The following SLAMF6 variants were observed in gnomAD, a reference collection of about 807,000 sequenced individuals.
SLAMF6 encodes NK-T-B-antigen.
A neutral mutation model predicts 38.3 loss-of-function variants in SLAMF6; 21 were observed. That is an observed-to-expected ratio of 0.55 (90% CI 0.39 to 0.79). The LOEUF (loss-of-function observed/expected upper bound fraction) is 0.79. SLAMF6 is among the 30% of genes least tolerant of loss of function. The pLI is 0.00. For missense variants in SLAMF6, 341 were observed against 385.3 expected (o/e 0.89, Z 0.96); for synonymous variants, 152 against 146.3 (o/e 1.04, Z -0.28).
intron 1 of SLAMF6, among the ~76,000 whole-genome samples, chr1:160,500,015 TAAAC>T (rs1653801020): frequency 6.6e-6 from 1 of 152,242 alleles, no homozygotes; most frequent in African/African-American, 2.4e-5. Flanking sequence ...TTAAAGTTGA[TAAAC>T]AGACAAATCT....
At chr1:160,487,714 A>G (rs910431512) in intron 6 of SLAMF6, among the ~76,000 whole-genome samples, 1 of 152,204 alleles carries the variant, frequency 6.6e-6, no homozygotes, top group African/African-American at 2.4e-5. Context: ...TTACAGAAAT[A>G]ATAGCAGAAG....
chr1:160,490,329 G>A (rs1653217870), intron 4 of SLAMF6, 93 bp from the exon 5 acceptor site: 1 of 1,583,468 alleles, frequency 6.3e-7, no homozygotes, highest in South Asian at 1.1e-5. Context: ...TGGTGGGAGG[G>A]GACCCAAAAG....
chr1:160,492,205 G>C (rs1653340283), intron 2 of SLAMF6, among the ~76,000 whole-genome samples: 1 of 152,160 alleles, frequency 6.6e-6, no homozygotes, highest in Non-Finnish European at 1.5e-5. Flanking sequence ...CTTAGCCTTG[G>C]CCTGAGGTTT....
intron 1 of SLAMF6, among the ~76,000 whole-genome samples, chr1:160,511,173 C>A (rs1485425056): frequency 6.6e-6 from 1 of 152,066 alleles, no homozygotes; most frequent in Non-Finnish European, 1.5e-5. Flanking sequence ...AGAGTCAATG[C>A]AATCCTTATC....
intron 1 of SLAMF6, among the ~76,000 whole-genome samples, chr1:160,505,341 A>C (rs1426422578): frequency 2.0e-5 from 3 of 152,224 alleles, no homozygotes. Context: ...TTCACAGGTG[A>C]AATAAACAGA....
intron 1 of SLAMF6, among the ~76,000 whole-genome samples, 170 bp from the exon 2 acceptor site, chr1:160,496,563 C>G (rs1653593302): frequency 6.6e-6 from 1 of 152,138 alleles, no homozygotes; most frequent in Non-Finnish European, 1.5e-5. Flanking sequence ...TAATCACAGT[C>G]CCAGAGCTTC....
At chr1:160,505,301 A>G (rs990383108) in intron 1 of SLAMF6, among the ~76,000 whole-genome samples, 35 of 152,254 alleles carry the variant, frequency 2.3e-4, no homozygotes, top group African/African-American at 7.5e-4. Context: ...AAAATTATAA[A>G]GCATGTGAAG....
intron 7 of SLAMF6, 170 bp from the exon 8 acceptor site, chr1:160,486,924 A>T (rs936378595): frequency 5.7e-5 from 23 of 406,634 alleles, no homozygotes; most frequent in Non-Finnish European, 7.0e-5. Context: ...TCAGTTATGC[A>T]TGGTGATCCT....
chr1:160,487,327 G>A (rs1019851608), intron 6 of SLAMF6, 152 bp from the exon 7 acceptor site: 13 of 657,022 alleles, frequency 2.0e-5, no homozygotes, highest in Admixed American at 1.5e-4. Context: ...GACCAAGCAC[G>A]ACTAGCTATC....
chr1:160,488,989 C>A (rs896379979), intron 6 of SLAMF6, 99 bp downstream of exon 6: 1 of 1,119,352 alleles, frequency 8.9e-7, no homozygotes, highest in Admixed American at 1.7e-5. Context: ...TTCTCCTCCC[C>A]TCAGTGGTCA....
At chr1:160,504,639 T>C (rs1449488508) in intron 1 of SLAMF6, among the ~76,000 whole-genome samples, 1 of 152,138 alleles carries the variant, frequency 6.6e-6, no homozygotes, top group East Asian at 1.9e-4. Flanking sequence ...CTACCTCTCT[T>C]TCAGGTAGAA....
intron 1 of SLAMF6, among the ~76,000 whole-genome samples, chr1:160,501,657 T>C (rs1430350548): frequency 1.3e-5 from 2 of 151,450 alleles, no homozygotes; most frequent in Non-Finnish European, 2.9e-5. Context: ...CTATGAGTTC[T>C]CCATTACTTA....
chr1:160,506,423 A>G (rs1014121010), intron 1 of SLAMF6, among the ~76,000 whole-genome samples: 1 of 152,216 alleles, frequency 6.6e-6, no homozygotes. Flanking sequence ...CATCTGAAAA[A>G]ATTATCCTTC....
intron 1 of SLAMF6, among the ~76,000 whole-genome samples, chr1:160,508,014 C>T (rs941232944): frequency 6.6e-6 from 1 of 152,062 alleles, no homozygotes; most frequent in African/African-American, 2.4e-5. Context: ...AAATAGGACA[C>T]AAACAAATGG....
intron 1 of SLAMF6, among the ~76,000 whole-genome samples, chr1:160,500,053 G>A (rs1653802644): frequency 6.6e-6 from 1 of 152,162 alleles, no homozygotes; most frequent in Non-Finnish European, 1.5e-5. Context: ...TCAAGAGAGT[G>A]GTTACCTTTG....
chr1:160,496,731 G>C (rs1653602846), intron 1 of SLAMF6, among the ~76,000 whole-genome samples: 1 of 152,150 alleles, frequency 6.6e-6, no homozygotes, highest in African/African-American at 2.4e-5. Context: ...AGGTTGAGGG[G>C]GACAGGAAAC....
intron 2 of SLAMF6, among the ~76,000 whole-genome samples, chr1:160,493,736 T>G (rs1440514637): frequency 6.6e-6 from 1 of 152,214 alleles, no homozygotes; most frequent in Non-Finnish European, 1.5e-5. Context: ...GACTAGGTAC[T>G]TTATAAATGA....
chr1:160,504,977 C>T (rs1339903852), intron 1 of SLAMF6, among the ~76,000 whole-genome samples: 1 of 152,134 alleles, frequency 6.6e-6, no homozygotes, highest in Non-Finnish European at 1.5e-5. Flanking sequence ...CCTGTCTAGG[C>T]ATTAAAGGAG....
chr1:160,506,664 T>A (rs1049059618), intron 1 of SLAMF6, among the ~76,000 whole-genome samples: 1 of 152,180 alleles, frequency 6.6e-6, no homozygotes, highest in Non-Finnish European at 1.5e-5. Flanking sequence ...ACTTCTCCTT[T>A]TTCCCACATG....
Sources: gnomAD v4.1 joint callset for allele counts (sites outside exome capture counted in the v4.1 genomes callset) on GRCh38, gnomAD v4.1.1 for gene constraint, MANE v1.5 for transcripts, NCBI Gene and HGNC (gene_info 2026-07-23, HGNC 2026-07-21) for gene names.